WDPCP: variants seen among roughly 807,000 people sequenced by gnomAD.
WDPCP encodes the protein WD repeat containing planar cell polarity effector.
A neutral mutation model predicts 93.1 loss-of-function variants in WDPCP; 71 were observed. That is an observed-to-expected ratio of 0.76 (90% CI 0.63 to 0.93). The LOEUF is 0.93. Ranked by LOEUF, WDPCP falls within the 40% of genes least tolerant of loss-of-function variation. The pLI is 0.00. For missense variants in WDPCP, 844 were observed against 887.4 expected (o/e 0.95, Z 0.62); for synonymous variants, 315 against 315.0 (o/e 1.00, Z 0.00).
intron 2 of WDPCP, among the ~76,000 whole-genome samples, chr2:63,734,194 T>G (rs1054948680): frequency 6.6e-6 from 1 of 152,188 alleles, no homozygotes; most frequent in African/African-American, 2.4e-5. Context: ...TTTTTTCTAG[T>G]GTGCAGATAT....
chr2:63,689,530 A>C (rs1668861903), intron 2 of WDPCP, among the ~76,000 whole-genome samples: 4 of 152,246 alleles, frequency 2.6e-5, no homozygotes, highest in Middle Eastern at 3.4e-3. Context: ...GCTGTGGTGA[A>C]CCCAAGTAAC....
intron 1 of WDPCP, among the ~76,000 whole-genome samples, chr2:63,520,257 A>T (rs1366549171): frequency 6.6e-6 from 1 of 152,226 alleles, no homozygotes; most frequent in Non-Finnish European, 1.5e-5. Context: ...CAAATCTACA[A>T]CTCACTGGCA....
intron 14 of WDPCP, among the ~76,000 whole-genome samples, chr2:63,178,223 T>G (rs1398625923): frequency 6.6e-6 from 1 of 152,206 alleles, no homozygotes; most frequent in Non-Finnish European, 1.5e-5. Flanking sequence ...ATGCTGGCCT[T>G]ATATAATGAA....
intron 2 of WDPCP, among the ~76,000 whole-genome samples, chr2:63,692,736 C>A (rs2103675128): frequency 6.6e-6 from 1 of 152,200 alleles, no homozygotes; most frequent in Non-Finnish European, 1.5e-5. Context: ...AAAAATATAT[C>A]TAGGAATAAA....
chr2:63,680,627 A>G (rs1710479150), intron 2 of WDPCP, among the ~76,000 whole-genome samples: 1 of 152,172 alleles, frequency 6.6e-6, no homozygotes, highest in Non-Finnish European at 1.5e-5. Context: ...TCTAGGCCAC[A>G]AGGACTGCAA....
chr2:63,675,886 T>C (rs1710397760), intron 2 of WDPCP, among the ~76,000 whole-genome samples: 1 of 152,196 alleles, frequency 6.6e-6, no homozygotes, highest in African/African-American at 2.4e-5. Context: ...CATTGCCCAA[T>C]ACAACACAGA....
At chr2:63,536,870 A>G (rs1704322456) in intron 1 of WDPCP, among the ~76,000 whole-genome samples, 1 of 141,580 alleles carries the variant, frequency 7.1e-6, no homozygotes, top group Admixed American at 7.8e-5. Context: ...AGTTCAAATG[A>G]TTCTTGTGCC....
intron 2 of WDPCP, among the ~76,000 whole-genome samples, chr2:63,706,717 C>A: frequency 6.7e-6 from 1 of 148,244 alleles, no homozygotes; most frequent in Non-Finnish European, 1.5e-5. Context: ...CCCGGGTTCA[C>A]GCCATTCTCC....
At chr2:63,324,122 T>C (rs1428592653) in intron 12 of WDPCP, among the ~76,000 whole-genome samples, 1 of 152,170 alleles carries the variant, frequency 6.6e-6, no homozygotes, top group Non-Finnish European at 1.5e-5. Context: ...AATGGCCACC[T>C]GAGGGAAGTA....
chr2:63,678,312 A>C (rs1401032647), intron 2 of WDPCP, among the ~76,000 whole-genome samples: 2 of 152,210 alleles, frequency 1.3e-5, no homozygotes, highest in African/African-American at 2.4e-5. Flanking sequence ...TTCTCCATTT[A>C]GGGGGGAAAC....
chr2:63,258,325 A>G (rs145741414), intron 14 of WDPCP, among the ~76,000 whole-genome samples: 1 of 152,258 alleles, frequency 6.6e-6, no homozygotes, highest in Non-Finnish European at 1.5e-5. Flanking sequence ...GGAGAATGGG[A>G]TTATCTTGCT....
chr2:63,813,886 AT>A (rs369931633), intron 1 of WDPCP, among the ~76,000 whole-genome samples: 6 of 152,238 alleles, frequency 3.9e-5, no homozygotes, highest in African/African-American at 1.4e-4. Context: ...AAATACTAAT[AT>A]GTTTGCTGAT....
intron 10 of WDPCP, among the ~76,000 whole-genome samples, chr2:63,388,531 G>C (rs1692938653): frequency 6.6e-6 from 1 of 152,204 alleles, no homozygotes; most frequent in East Asian, 1.9e-4. Flanking sequence ...GTGGAACAAA[G>C]CTGGACGGAG....
intron 3 of WDPCP, among the ~76,000 whole-genome samples, chr2:63,641,719 A>G (rs1214072394): frequency 1.3e-5 from 2 of 152,146 alleles, no homozygotes; most frequent in African/African-American, 4.8e-5. Flanking sequence ...GCAGCTTGCA[A>G]ATATTTTCTC....
In WDPCP at chr2:63,121,948, G is replaced by T. The variant is rs1194229096; in HGVS notation, c.*58C>A. 6.2e-7 allele frequency: 1 copy of T among 1,610,654 alleles called. No homozygotes were observed. The highest frequency in any genetic ancestry group is 8.5e-7 in the Non-Finnish European group (1 of 1,178,914). ...AATCCACACGGGGGATTTTAAGTCT[G>T]TATCAGGCCATGAAAAGTTTAGATA... On this transcript the variant is annotated 3_prime_UTR_variant, in exon 18 of 18. Coordinates refer to ENST00000272321, the MANE Select transcript of WDPCP (RefSeq NM_015910.7).
chr2:63,816,380 G>A (rs1420022647), intron 1 of WDPCP, among the ~76,000 whole-genome samples: 1 of 152,186 alleles, frequency 6.6e-6, no homozygotes. Context: ...AACTGTGAAT[G>A]TGCCTATATT....
chr2:63,442,364 A>AATT (rs1205586886), intron 6 of WDPCP: 3 of 152,124 alleles, frequency 2.0e-5, no homozygotes, highest in African/African-American at 7.2e-5. Context: ...CAGTGTTTGC[A>AATT]ATTATTATTA....
Position 63,318,222 on chromosome 2 carries a change from C to T in WDPCP, c.1749-4911G>A, listed in dbSNP as rs574900491. ...AATCAAAACCACAATGAGATACCAT[C>T]TCATAACCAGTCAGAATGGCTATTA... On this transcript the variant is annotated intron_variant, in intron 12 of 17. Coordinates refer to ENST00000272321, the MANE Select transcript of WDPCP (RefSeq NM_015910.7). 4.6e-5 allele frequency among the ~76,000 whole-genome samples: 7 copies of T among 152,296 alleles called. No homozygotes were observed. The East Asian group carries it at 1.4e-3, about 29-fold the overall frequency.
intron 2 of WDPCP, among the ~76,000 whole-genome samples, chr2:63,703,045 A>G (rs1254797450): frequency 6.6e-6 from 1 of 152,208 alleles, no homozygotes; most frequent in African/African-American, 2.4e-5. Context: ...TACAAAGGAC[A>G]TGAACTCATC....
Sources: gnomAD v4.1 joint callset for allele counts (sites outside exome capture counted in the v4.1 genomes callset) on GRCh38, gnomAD v4.1.1 for gene constraint, MANE v1.5 for transcripts, NCBI Gene and HGNC (gene_info 2026-07-23, HGNC 2026-07-21) for gene names.